The following BPTF variants were observed in gnomAD, a reference collection of about 807,000 sequenced individuals.
BPTF encodes bromodomain PHD finger transcription factor, also known as nucleosome-remodeling factor subunit BPTF.
In BPTF, 18 loss-of-function variants were observed where a neutral mutation model predicts 292.5. The ratio of observed to expected loss-of-function variants is 0.06; its 90% CI spans 0.04 to 0.09. The LOEUF is 0.09. BPTF is among the 10% of genes least tolerant of loss of function. BPTF has a pLI of 1.00. For missense variants in BPTF, 2,726 were observed against 3,498.7 expected, an observed-to-expected ratio of 0.78 and a Z score of 5.57; for synonymous variants, 1,225 against 1,251.9, an observed-to-expected ratio of 0.98 and a Z score of 0.45.
rs1156404121 is a variant in BPTF, at chr17:67,976,685, CAAAAAAAAAAA to C, written c.8726+747_8726+757del. 9.7e-3 allele frequency among the ~76,000 whole-genome samples: 240 copies of C among 24,848 alleles called. 2 individuals are homozygous for C. The highest frequency in any genetic ancestry group is 0.023 in the African/African-American group (229 of 9,842). 16.3% of individuals were successfully genotyped at this position (24,848 alleles called of 152,430 possible). On this transcript the variant is annotated intron_variant, in intron 27 of 27. Coordinates refer to ENST00000306378, the MANE Select transcript of BPTF (RefSeq NM_182641.4). ...TGAGTGACAGAGTGAGACCCTGTCT[CAAAAAAAAAAA>C]AAAAAAAAAAAAAAAAAAATAAGAA...
chr17:67,897,341 C>CAAAAAAAAAAAAAAAAAA (rs750678904), intron 7 of BPTF, among the ~76,000 whole-genome samples: 1 of 17,766 alleles, frequency 5.6e-5, no homozygotes, highest in African/African-American at 1.0e-4. Flanking sequence ...AACTCTGTCT[C>CAAAAAAAAAAAAAAAAAA]AAAAAAAAAA....
Position 67,913,180 on chromosome 17 carries a change from A to G in BPTF, c.5296A>G (p.Thr1766Ala), listed in dbSNP as rs2062757704. ...TTCTCCTAGACCGACCTTTGGCATC[A>G]CTTGGAGGTATGTACTTTAAAATGT... Reference protein sequence around the residue: ...YPSPRPTFGITWRYRLQTVKS... With the variant: ...YPSPRPTFGIAWRYRLQTVKS... Residue 1766 changes from threonine to alanine, a missense_variant, in exon 11 of 28, where the codon ACT becomes GCT. This residue lies in a region of BPTF where 36 missense variants were observed against 34.7 expected (regional missense o/e 1.04). Coordinates refer to ENST00000306378, the MANE Select transcript of BPTF (RefSeq NM_182641.4). The G allele has an allele frequency of 1.3e-6, 2 of 1,592,732 alleles. No homozygotes were observed. Among genetic ancestry groups the G allele is most frequent in the Non-Finnish European group, 1.7e-6 (2 of 1,172,370 alleles).
Position 67,946,345 on chromosome 17 carries a change from G to A in BPTF, c.7617+20G>A, listed in dbSNP as rs2065810971. ...AAACAGGTAAAGTTATTAAGTAAAA[G>A]CAGCATGTTCAGTAGCTTGAATTAT... On this transcript the variant is annotated intron_variant, in intron 21 of 27. Coordinates refer to ENST00000306378, the MANE Select transcript of BPTF (RefSeq NM_182641.4). 2 of 1,609,634 alleles carry A rather than the reference G, an allele frequency of 1.2e-6. No individual in the cohort carries two copies. Among genetic ancestry groups the A allele is most frequent in the African/African-American group, 1.3e-5 (1 of 74,788 alleles).
At chr17:67,949,435 C>T (rs548881235) in intron 23 of BPTF, among the ~76,000 whole-genome samples, 23 of 151,784 alleles carry the variant, frequency 1.5e-4, no homozygotes, top group African/African-American at 5.1e-4. Context: ...ATTAGCTGGG[C>T]GTGGTGGCAG....
intron 23 of BPTF, among the ~76,000 whole-genome samples, chr17:67,952,515 G>A (rs1229803227): frequency 6.6e-6 from 1 of 151,722 alleles, no homozygotes; most frequent in Non-Finnish European, 1.5e-5. Context: ...CTCCCTCCTC[G>A]GCCTCCCAAA....
intron 23 of BPTF, chr17:67,951,620 A>G (rs1555678531): frequency 6.6e-6 from 1 of 152,226 alleles, no homozygotes; most frequent in Admixed American, 6.5e-5. Context: ...ACAAATGAAA[A>G]TGATCTCTAA....
Position 67,944,312 on chromosome 17 carries a change from T to C in BPTF, c.6640T>C (p.Leu2214=), listed in dbSNP as rs139951561. 1 of 1,613,986 alleles carries C rather than the reference T, an allele frequency of 6.2e-7. No homozygotes were observed. Among genetic ancestry groups the C allele is most frequent in the African/African-American group, 1.3e-5 (1 of 74,916 alleles). ...TGTTCAGCGATTCCTCTTTACCCCA[T>C]TGGCAACAACAGCCACCACAGCCAG... is the stretch of plus-strand genomic sequence containing the variant. The part of the protein sequence containing the change: ...GTVQRFLFTP[L]ATTATTASTT... The change falls in exon 20 of 28, where the codon TTG becomes CTG. Residue 2214 remains leucine, a synonymous_variant. Coordinates refer to ENST00000306378, the MANE Select transcript of BPTF (RefSeq NM_182641.4).
intron 4 of BPTF, among the ~76,000 whole-genome samples, chr17:67,890,480 G>A (rs568772061): frequency 6.6e-6 from 1 of 152,240 alleles, no homozygotes; most frequent in East Asian, 1.9e-4. Context: ...CTCCATCTCT[G>A]GATTTTAAAA....
Position 67,854,893 on chromosome 17 carries a change from ATTTC to A in BPTF, c.1436+134_1436+137del. The A allele has an allele frequency of 1.5e-6, 1 of 662,298 alleles. No individual in the cohort carries two copies. 41.0% of individuals were successfully genotyped at this position (662,298 alleles called of 1,614,324 possible). On this transcript the variant is annotated intron_variant, in intron 2 of 27. Transcript: ENST00000306378. This position sits in a 1 kb window ranked among gnomAD's most constrained non-coding sequence, Gnocchi z 5.6. ...AACTTAATAGTTATACAGTTAAATA[ATTTC>A]TTAATTGAAGGAATATGTGCATTAA...
At chr17:67,944,635 A>G (rs997486145) in intron 20 of BPTF, 4 of 498,130 alleles carry the variant, frequency 8.0e-6, no homozygotes, top group South Asian at 4.2e-5. Flanking sequence ...CTTGGTAACT[A>G]TGCCCACACT....
chr17:67,910,908 T>C lies in BPTF; in HGVS notation c.3024T>C (p.Asp1008=). Residue 1008 remains aspartate (D), a synonymous_variant, in exon 11 of 28, where the codon GAT becomes GAC. Coordinates refer to ENST00000306378, the MANE Select transcript of BPTF (RefSeq NM_182641.4). ...AGGAGCTCTTAGATTCTGACAGTGA[T>C]AAACCCTGCAAGGAAGAACCAATGG... ...DVKELLDSDS[D]KPCKEEPMEV... 1 of 1,610,152 alleles carries C rather than the reference T, an allele frequency of 6.2e-7. No homozygotes were observed. The highest frequency in any genetic ancestry group is 1.3e-5 in the African/African-American group (1 of 74,860).
rs1271548636 is a variant in BPTF at position 67,953,116 on chromosome 17, A to G, written c.7926+4810A>G. 2.7e-5 allele frequency among the ~76,000 whole-genome samples: 4 copies of G among 150,536 alleles called. No homozygotes were observed. In the East Asian group the frequency reaches 7.9e-4, roughly 30 times the overall value. On this transcript the variant is annotated intron_variant, in intron 23 of 27. Coordinates refer to ENST00000306378, the MANE Select transcript of BPTF (RefSeq NM_182641.4). ...AGCTGGGACTACAGGCGCAGGCTGCAACGCCTGGCTAGTTTTTTGTATTTT... is the reference window on the plus strand; with the variant it reads ...AGCTGGGACTACAGGCGCAGGCTGCGACGCCTGGCTAGTTTTTTGTATTTT...
chr17:67,914,260 G>GA (rs1037063086), intron 11 of BPTF, among the ~76,000 whole-genome samples: 2 of 151,210 alleles, frequency 1.3e-5, no homozygotes, highest in Admixed American at 1.3e-4. Context: ...CAATCAGCTA[G>GA]AAAAAAAAGT....
chr17:67,914,699 T>C (rs2062864987), intron 11 of BPTF, among the ~76,000 whole-genome samples: 1 of 152,212 alleles, frequency 6.6e-6, no homozygotes, highest in Non-Finnish European at 1.5e-5. Context: ...AGCACTCTTC[T>C]CTGAACTCTC....
chr17:67,917,939 G>A (rs1332858564), intron 11 of BPTF, among the ~76,000 whole-genome samples: 1 of 152,176 alleles, frequency 6.6e-6, no homozygotes, highest in South Asian at 2.1e-4. Context: ...AGGCTCCCGA[G>A]TAGCTGGGAC....
At chr17:67,964,029 G>A (rs1185557591) in intron 24 of BPTF, among the ~76,000 whole-genome samples, 183 bp from the exon 25 acceptor site, 2 of 151,988 alleles carry the variant, frequency 1.3e-5, no homozygotes, top group African/African-American at 4.8e-5. Context: ...TTTTTTTACT[G>A]CTTGTTCTTA....
chr17:67,839,862 C>G (rs1041484938), intron 1 of BPTF, among the ~76,000 whole-genome samples: 2 of 152,130 alleles, frequency 1.3e-5, no homozygotes, highest in Non-Finnish European at 2.9e-5. Context: ...AAACTGTTTT[C>G]CAAAGTAGCT....
intron 7 of BPTF, among the ~76,000 whole-genome samples, chr17:67,896,100 CTA>C (rs2061426931): frequency 6.6e-6 from 1 of 151,960 alleles, no homozygotes; most frequent in African/African-American, 2.4e-5. Context: ...GTAACTGGGA[CTA>C]TAGGCACCCA....
chr17:67,960,970 A>G (rs2067425503), intron 24 of BPTF, among the ~76,000 whole-genome samples: 1 of 152,238 alleles, frequency 6.6e-6, no homozygotes. Context: ...ATTGGAAATT[A>G]TACATAATGT....
Sources: gnomAD v4.1 joint callset for allele counts (sites outside exome capture counted in the v4.1 genomes callset) on GRCh38, gnomAD v4.1.1 for gene constraint, gnomAD v4.1.1 regional missense constraint, Gnocchi (gnomAD v3.1) non-coding constraint, MANE v1.5 for transcripts, NCBI Gene and HGNC (gene_info 2026-07-23, HGNC 2026-07-21) for gene names.